AFAP1: variants seen among roughly 807,000 people sequenced by gnomAD.
AFAP1 encodes the protein actin filament-associated protein 1.
In AFAP1, 75 loss-of-function variants were observed where a neutral mutation model predicts 93.9. The ratio of observed to expected loss-of-function variants is 0.80; its 90% CI spans 0.66 to 0.97. The LOEUF (loss-of-function observed/expected upper bound fraction) is 0.97, where lower values mean the gene tolerates loss of function less well. Among genes scored for constraint, AFAP1 ranks in the 50% least tolerant of loss-of-function variants. The pLI, the probability that AFAP1 is intolerant of heterozygous loss-of-function variation, is 0.00. For missense variants in AFAP1, 1,201 were observed against 1,050.8 expected (o/e 1.14, Z -1.98); for synonymous variants, 517 against 430.7 (o/e 1.20, Z -2.48).
At chr4:7,859,498 C>T (rs1444334283) in intron 3 of AFAP1, among the ~76,000 whole-genome samples, 1 of 152,104 alleles carries the variant, frequency 6.6e-6, no homozygotes, top group African/African-American at 2.4e-5. Flanking sequence ...AGAAACTACC[C>T]TCCTCAGAGA....
At chr4:7,840,885 CTG>C (rs1015623680) in intron 5 of AFAP1, among the ~76,000 whole-genome samples, 35 of 152,290 alleles carry the variant, frequency 2.3e-4, no homozygotes, top group African/African-American at 7.9e-4. Context: ...CATGTAATAA[CTG>C]TACATATTTA....
At chr4:7,818,634 G>A (rs1273831486) in intron 7 of AFAP1, among the ~76,000 whole-genome samples, 1 of 152,192 alleles carries the variant, frequency 6.6e-6, no homozygotes, top group Non-Finnish European at 1.5e-5. Context: ...GGCCATCCCC[G>A]CCCACTGCTG....
intron 17 of AFAP1, among the ~76,000 whole-genome samples, chr4:7,766,166 C>T (rs1560141924): frequency 6.6e-6 from 1 of 152,204 alleles, no homozygotes; most frequent in Non-Finnish European, 1.5e-5. Flanking sequence ...TATGCTGAGG[C>T]CCTCTCAGAC....
At chr4:7,796,037 T>C (rs1718388220) in intron 10 of AFAP1, among the ~76,000 whole-genome samples, 1 of 152,170 alleles carries the variant, frequency 6.6e-6, no homozygotes. Context: ...GTATCTGTCA[T>C]ATGTATAACA....
chr4:7,760,824 T>C lies in AFAP1; in HGVS notation c.*2941A>G, dbSNP rs28759100. The C allele has an allele frequency of 0.14, 20,679 of 152,370 alleles. 1,403 individuals are homozygous for C. The highest frequency in any genetic ancestry group is 0.16 in the Admixed American group (2,464 of 15,306). 9.4% of individuals were successfully genotyped at this position (152,370 alleles called of 1,614,324 possible). On this transcript the variant is annotated 3_prime_UTR_variant, in exon 18 of 18. Transcript: ENST00000420658. ...GGGGTCGGCCCCCTCACCTGACCTG[T>C]CCTCCGGCCAGCTCCATCGCGTGGC...
At chr4:7,931,547 T>C (rs77762932) in intron 1 of AFAP1, among the ~76,000 whole-genome samples, 3 of 100,390 alleles carry the variant, frequency 3.0e-5, no homozygotes, top group Non-Finnish European at 5.7e-5. Flanking sequence ...ACGCCCAGCA[T>C]TTTTTTTTTT....
intron 14 of AFAP1, chr4:7,775,525 T>G (rs1716008936): frequency 6.6e-6 from 1 of 152,404 alleles, no homozygotes; most frequent in Non-Finnish European, 1.5e-5. Context: ...CTGTTCCTTA[T>G]GGCCATGTCA....
At chr4:7,934,630 C>A (rs1247486222) in intron 1 of AFAP1, among the ~76,000 whole-genome samples, 1 of 152,110 alleles carries the variant, frequency 6.6e-6, no homozygotes, top group African/African-American at 2.4e-5. Context: ...GGAAAGCAGG[C>A]CCGACACCGC....
chr4:7,871,700 T>G (rs1717062747), intron 2 of AFAP1, among the ~76,000 whole-genome samples: 1 of 152,152 alleles, frequency 6.6e-6, no homozygotes, highest in African/African-American at 2.4e-5. Flanking sequence ...CCAGGTAATC[T>G]CCAAACGCTG....
At chr4:7,804,995 G>A (rs1310187135) in intron 9 of AFAP1, among the ~76,000 whole-genome samples, 1 of 152,132 alleles carries the variant, frequency 6.6e-6, no homozygotes, top group Admixed American at 6.5e-5. Flanking sequence ...AGGGGCAGAG[G>A]AGCTGGTACA....
At chr4:7,909,206 C>G (rs1719590449) in intron 1 of AFAP1, among the ~76,000 whole-genome samples, 1 of 152,196 alleles carries the variant, frequency 6.6e-6, no homozygotes, top group Non-Finnish European at 1.5e-5. Flanking sequence ...ACTTTGCACA[C>G]ATATTTGCAC....
At chr4:7,913,010 G>T (rs1357194558) in intron 1 of AFAP1, among the ~76,000 whole-genome samples, 1 of 152,096 alleles carries the variant, frequency 6.6e-6, no homozygotes, top group Non-Finnish European at 1.5e-5. Context: ...ACCATGCCCA[G>T]TTAATTTTTT....
chr4:7,887,462 T>G (rs1332042850), intron 1 of AFAP1, among the ~76,000 whole-genome samples: 3 of 152,192 alleles, frequency 2.0e-5, no homozygotes, highest in Non-Finnish European at 4.4e-5. Flanking sequence ...AAATCTCTGA[T>G]TTTCTACTCT....
chr4:7,806,907 C>T (rs1719562586), intron 9 of AFAP1, among the ~76,000 whole-genome samples: 1 of 148,676 alleles, frequency 6.7e-6, no homozygotes, highest in African/African-American at 2.4e-5. Context: ...ACCGCAGTGT[C>T]TAGTCACCAG....
intron 11 of AFAP1, among the ~76,000 whole-genome samples, chr4:7,791,834 C>A (rs75326334): frequency 0.21 from 29,021 of 140,382 alleles, 3,342 homozygotes; most frequent in African/African-American, 0.33. Context: ...GCCTGGGCAA[C>A]CCTTAATCAA....
In AFAP1 at chr4:7,763,567, C is replaced by CT. The variant is rs1714110547; in HGVS notation, c.*197dup. The CT allele has an allele frequency of 8.4e-6, 5 of 598,454 alleles. No individual in the cohort carries two copies. The highest frequency in any genetic ancestry group is 7.9e-5 in the South Asian group (3 of 37,886). The allele number at this position is 598,454 out of a possible 1,614,324, so 37.1% of individuals were successfully genotyped here. A position where few individuals can be genotyped will look rare whatever the true frequency, so the allele number is the denominator to read the frequency against. Reference sequence around the variant, plus strand: ...AAAGTTGGGAACCAAAGTCTTACATCTTTTTTAAAGGCGCCATTTTACAGT... The same window carrying CT: ...AAAGTTGGGAACCAAAGTCTTACATCTTTTTTTAAAGGCGCCATTTTACAGT... On this transcript the variant is annotated 3_prime_UTR_variant, in exon 18 of 18. Transcript: ENST00000420658.
chr4:7,868,669 G>A lies in AFAP1; in HGVS notation c.178C>T (p.Pro60Ser). ...GGCAGGGGCATCTGAGGAGGGGCTGGCAGGCTGTTAGCGGTCTCCTGCTTC... is the reference window on the plus strand; with the variant it reads ...GGCAGGGGCATCTGAGGAGGGGCTGACAGGCTGTTAGCGGTCTCCTGCTTC... ...AQKQETANSL[P>S]APPQMPLPEI... Residue 60 changes from proline to serine, a missense_variant, in exon 3 of 18, where the codon CCA becomes TCA. By Grantham distance (74) the Pro-to-Ser change is moderately conservative (BLOSUM62 -1). Transcript: ENST00000420658. The A allele has an allele frequency of 6.2e-7, 1 of 1,613,340 alleles. No individual in the cohort carries two copies.
At chr4:7,847,868 A>G (rs906795411) in intron 4 of AFAP1, among the ~76,000 whole-genome samples, 8 of 151,650 alleles carry the variant, frequency 5.3e-5, no homozygotes, top group African/African-American at 1.7e-4. Flanking sequence ...GTAAGGCAGC[A>G]GACCAAAGGG....
chr4:7,926,964 G>A (rs928695314), intron 1 of AFAP1, among the ~76,000 whole-genome samples: 14 of 152,126 alleles, frequency 9.2e-5, no homozygotes, highest in African/African-American at 1.7e-4. Context: ...TCAAACTCCC[G>A]ACCTCAGGTG....
Sources: allele counts gnomAD v4.1 joint callset (sites outside exome capture counted in the v4.1 genomes callset), GRCh38; gene constraint gnomAD v4.1.1; transcripts MANE v1.5; gene names NCBI Gene and HGNC (gene_info 2026-07-23, HGNC 2026-07-21).